The following GRID2 variants were observed in gnomAD, a reference collection of about 807,000 sequenced individuals.
GRID2 encodes the protein glutamate ionotropic receptor delta type subunit 2.
A neutral mutation model predicts 114.8 loss-of-function variants in GRID2; 33 were observed. The observed-to-expected ratio is 0.29, with a 90% confidence interval of 0.22 to 0.38. The LOEUF is 0.38. Among genes scored for constraint, GRID2 ranks in the 10% least tolerant of loss-of-function variants. The pLI, the probability that GRID2 is intolerant of heterozygous loss-of-function variation, is 1.00. For missense variants in GRID2, 1,184 were observed against 1,257.7 expected, an observed-to-expected ratio of 0.94 and a Z score of 0.89; for synonymous variants, 505 against 449.9, an observed-to-expected ratio of 1.12 and a Z score of -1.55.
At chr4:93,026,888 T>A (rs1723931735) in intron 2 of GRID2, among the ~76,000 whole-genome samples, 1 of 152,034 alleles carries the variant, frequency 6.6e-6, no homozygotes, top group African/African-American at 2.4e-5. Flanking sequence ...AAAAAAATGA[T>A]AATGGCCTGA....
rs188567307 is a variant in GRID2, at chr4:92,853,728, A to G, written c.245-231267A>G. Among the ~76,000 whole-genome samples the G allele has an allele frequency of 2.0e-5, 3 of 152,188 alleles. No homozygotes were observed. In the East Asian group the frequency reaches 5.8e-4, roughly 29 times the overall value. ...GAGCATATAAGTCTGATGAATTAAC[A>G]GTGAATTTGGAAAAGAAAACCAAAT... is the stretch of plus-strand genomic sequence containing the variant. On this transcript the variant is annotated intron_variant, in intron 2 of 15. Transcript: ENST00000282020.
At chr4:92,599,850 C>A (rs1356680527) in intron 2 of GRID2, among the ~76,000 whole-genome samples, 1 of 151,536 alleles carries the variant, frequency 6.6e-6, no homozygotes, top group Non-Finnish European at 1.5e-5. Flanking sequence ...CACGGTGAAA[C>A]CCCGTCTCTA....
At chr4:93,373,904 A>G (rs1763150507) in intron 8 of GRID2, among the ~76,000 whole-genome samples, 3 of 152,208 alleles carry the variant, frequency 2.0e-5, no homozygotes, top group Non-Finnish European at 4.4e-5. Context: ...ATTTGCAAGG[A>G]AATACTTGAA....
chr4:93,646,777 G>A (rs1173646548), intron 14 of GRID2, among the ~76,000 whole-genome samples: 2 of 152,100 alleles, frequency 1.3e-5, no homozygotes, highest in African/African-American at 4.8e-5. Flanking sequence ...TCTCATAGCT[G>A]TGAAACTGAT....
chr4:93,394,760 A>G (rs556426400), intron 8 of GRID2, among the ~76,000 whole-genome samples: 2 of 152,140 alleles, frequency 1.3e-5, no homozygotes, highest in African/African-American at 4.8e-5. Context: ...ATTTCTTCTC[A>G]AGATGTGCAT....
intron 1 of GRID2, among the ~76,000 whole-genome samples, chr4:92,529,659 G>T (rs1197937714): frequency 6.6e-6 from 1 of 152,074 alleles, no homozygotes; most frequent in Non-Finnish European, 1.5e-5. Context: ...GTTGTGAAAG[G>T]CCTGGCTTGG....
chr4:93,227,885 G>T (rs1037157067), intron 7 of GRID2, among the ~76,000 whole-genome samples: 1 of 152,198 alleles, frequency 6.6e-6, no homozygotes, highest in Middle Eastern at 3.4e-3. Context: ...TTTTCTCTCC[G>T]TATTTTTATG....
At chr4:93,164,863 C>A (rs572815134) in intron 4 of GRID2, 4 of 298,844 alleles carry the variant, frequency 1.3e-5, no homozygotes, top group Non-Finnish European at 2.1e-5. Flanking sequence ...CTAATTCATG[C>A]GTACCTCTGA....
At chr4:92,360,186 C>G (rs1034327212) in intron 1 of GRID2, among the ~76,000 whole-genome samples, 6 of 151,912 alleles carry the variant, frequency 3.9e-5, no homozygotes, top group African/African-American at 1.2e-4. Flanking sequence ...AGATTTATAC[C>G]TATGCAGTTC....
At chr4:92,324,422 G>A (rs983582802) in intron 1 of GRID2, among the ~76,000 whole-genome samples, 1 of 151,850 alleles carries the variant, frequency 6.6e-6, no homozygotes, top group Admixed American at 6.6e-5. Flanking sequence ...GTATTTGCTT[G>A]GGAATATTTT....
chr4:92,886,723 T>C (rs1411935731), intron 2 of GRID2, among the ~76,000 whole-genome samples: 1 of 152,184 alleles, frequency 6.6e-6, no homozygotes, highest in East Asian at 1.9e-4. Flanking sequence ...CCTCCCAGGT[T>C]CATGCCATTC....
At chr4:92,682,508 A>C (rs560953710) in intron 2 of GRID2, among the ~76,000 whole-genome samples, 21 of 152,166 alleles carry the variant, frequency 1.4e-4, no homozygotes, top group Non-Finnish European at 2.9e-4. Flanking sequence ...CTTCCATTTC[A>C]TATCTTTGTG....
chr4:93,802,169 A>G (rs1578802598), intron 1 of GRID2, among the ~76,000 whole-genome samples: 1 of 152,372 alleles, frequency 6.6e-6, no homozygotes, highest in South Asian at 2.1e-4. Flanking sequence ...TCTACAAAAG[A>G]AAAAAGAAAC....
At chr4:93,595,669 C>G (rs570747567) in intron 13 of GRID2, among the ~76,000 whole-genome samples, 1 of 152,150 alleles carries the variant, frequency 6.6e-6, no homozygotes, top group African/African-American at 2.4e-5. Context: ...TACCTATAGG[C>G]CTTTTATTGC....
At chr4:92,619,284 A>G (rs893434616) in intron 2 of GRID2, among the ~76,000 whole-genome samples, 1 of 151,680 alleles carries the variant, frequency 6.6e-6, no homozygotes, top group South Asian at 2.1e-4. Context: ...GCAAGGTCTT[A>G]TGTTGGAGAA....
intron 2 of GRID2, among the ~76,000 whole-genome samples, chr4:92,963,367 GAT>G (rs1752944513): frequency 6.6e-6 from 1 of 151,966 alleles, no homozygotes; most frequent in Non-Finnish European, 1.5e-5. Flanking sequence ...CCCTGCTGCT[GAT>G]ATATCAACTA....
At chr4:93,768,656 T>C (rs1171874293) in intron 14 of GRID2, among the ~76,000 whole-genome samples, 3 of 152,206 alleles carry the variant, frequency 2.0e-5, no homozygotes, top group African/African-American at 7.2e-5. Flanking sequence ...TTGAAACTTA[T>C]CCCAAGGCTT....
At chr4:93,517,505 G>A (rs1729852936) in intron 13 of GRID2, among the ~76,000 whole-genome samples, 1 of 151,922 alleles carries the variant, frequency 6.6e-6, no homozygotes. Flanking sequence ...AGTGAAATTT[G>A]TTTGTACTAT....
At chr4:92,926,506 G>A (rs1030945660) in intron 2 of GRID2, among the ~76,000 whole-genome samples, 7 of 151,784 alleles carry the variant, frequency 4.6e-5, no homozygotes, top group Non-Finnish European at 7.4e-5. Context: ...TTCTAAACAA[G>A]GCATATAAAT....
Sources: allele counts gnomAD v4.1 joint callset (sites outside exome capture counted in the v4.1 genomes callset), GRCh38; gene constraint gnomAD v4.1.1; transcripts MANE v1.5; gene names NCBI Gene and HGNC (gene_info 2026-07-23, HGNC 2026-07-21).